Variants in PLEKHG1 observed in about 807,000 individuals in gnomAD.
PLEKHG1 encodes the protein pleckstrin homology domain-containing family G member 1.
In PLEKHG1, 44 loss-of-function variants were observed where a neutral mutation model predicts 100.8. The observed-to-expected ratio is 0.44, with a 90% CI of 0.34 to 0.56. PLEKHG1 has a LOEUF of 0.56. PLEKHG1 is among the 20% of genes least tolerant of loss of function. The pLI is 0.01. For missense variants in PLEKHG1, 1,545 were observed against 1,720.9 expected (o/e 0.90, Z 1.81); for synonymous variants, 640 against 662.5 (o/e 0.97, Z 0.52).
At chr6:150,832,634 A>G (rs1316869062) in intron 15 of PLEKHG1, among the ~76,000 whole-genome samples, 2 of 151,886 alleles carry the variant, frequency 1.3e-5, no homozygotes, top group African/African-American at 2.4e-5. Flanking sequence ...CAGGATCTCA[A>G]CAAAAATGCC....
intron 3 of PLEKHG1, among the ~76,000 whole-genome samples, chr6:150,682,266 G>C (rs1451957501): frequency 6.6e-6 from 1 of 152,124 alleles, no homozygotes; most frequent in African/African-American, 2.4e-5. Flanking sequence ...GTGCACTAAA[G>C]CTGCTTACCA....
chr6:150,794,094 CAG>C (rs772759433), intron 4 of PLEKHG1, among the ~76,000 whole-genome samples: 2 of 151,694 alleles, frequency 1.3e-5, no homozygotes, highest in Non-Finnish European at 2.9e-5. Flanking sequence ...AAAAATAAAA[CAG>C]AAACTCTAGA....
chr6:150,621,509 G>C (rs935749131), intron 1 of PLEKHG1, among the ~76,000 whole-genome samples: 4 of 152,018 alleles, frequency 2.6e-5, no homozygotes, highest in African/African-American at 7.3e-5. Flanking sequence ...CGAGTAGCTG[G>C]AATTACAGGC....
At chr6:150,621,728 T>G (rs58842154) in intron 1 of PLEKHG1, among the ~76,000 whole-genome samples, 3,126 of 152,306 alleles carry the variant, frequency 0.021, 92 homozygotes, top group African/African-American at 0.071. Context: ...TGGGAAATAC[T>G]AAATGAGTGT....
At chr6:150,823,018 G>A (rs1457446027) in intron 13 of PLEKHG1, among the ~76,000 whole-genome samples, 1 of 152,166 alleles carries the variant, frequency 6.6e-6, no homozygotes, top group East Asian at 1.9e-4. Context: ...AACAGTTATG[G>A]TGGGATGGGA....
chr6:150,712,467 A>G lies in PLEKHG1; in HGVS notation c.-98-21117A>G, dbSNP rs186469924. 2.1e-4 allele frequency among the ~76,000 whole-genome samples: 32 copies of G among 152,350 alleles called. No individual in the cohort carries two copies. The East Asian group carries it at 5.8e-3, about 28-fold the overall frequency. ...ATTCATTAAAGAAAATGTAGAGATC[A>G]AACCACCAGTCTTCATATTTTAGCT... On this transcript the variant is annotated intron_variant, in intron 3 of 3. Transcript: ENST00000367326.
rs71554482 is a variant in PLEKHG1, at chr6:150,779,344, GT to G, written c.513-7027del. On this transcript the variant is annotated intron_variant, in intron 3 of 15. Transcript: ENST00000358517. ...ACAGGGGGTTAAATATTGTCAAGAA[GT>G]TTTTTTTTTTTTTTTTTTGAGACAG... Among the ~76,000 whole-genome samples the G allele has an allele frequency of 2.9e-3, 304 of 104,522 alleles. 3 individuals carry two copies. The highest frequency in any genetic ancestry group is 0.011 in the Middle Eastern group (2 of 186). The allele number at this position is 104,522 out of a possible 152,430, so 68.6% of individuals were successfully genotyped here.
chr6:150,819,154 C>T (rs916565245), intron 11 of PLEKHG1, among the ~76,000 whole-genome samples: 3 of 149,618 alleles, frequency 2.0e-5, no homozygotes, highest in African/African-American at 4.9e-5. Flanking sequence ...TGGTGGCTCA[C>T]GCCTGTCATC....
intron 4 of PLEKHG1, 112 bp from the exon 6 acceptor site, chr6:150,795,744 T>C: frequency 4.5e-6 from 2 of 448,298 alleles, no homozygotes; most frequent in Non-Finnish European, 7.9e-6. Context: ...AAAAAACATA[T>C]ATATATATAT....
intron 15 of PLEKHG1, among the ~76,000 whole-genome samples, chr6:150,836,726 G>A (rs1777239022): frequency 1.3e-5 from 2 of 151,942 alleles, no homozygotes; most frequent in African/African-American, 2.4e-5. Flanking sequence ...AGGAGGCTGA[G>A]GCAAGAGGAT....
In PLEKHG1 at chr6:150,831,581, C is replaced by T. The variant is rs765837168; in HGVS notation, c.2470C>T (p.His824Tyr). ...TCCCAGTGGTAACTTGTCTATGCCTCATAAGCCTGTATCTGATAAACTGTC... is the reference window on the plus strand; with the variant it reads ...TCCCAGTGGTAACTTGTCTATGCCTTATAAGCCTGTATCTGATAAACTGTC... The change falls in exon 15 of 16, where the codon CAT (histidine) becomes TAT (tyrosine). Residue 824 changes from histidine (H) to tyrosine (Y), a missense_variant. Transcript: ENST00000358517. The surrounding 1 kb of genome is among the most constrained non-coding windows in gnomAD (Gnocchi z 4.1). 3 of 1,614,046 alleles carry T rather than the reference C, an allele frequency of 1.9e-6. No individual in the cohort carries two copies. The South Asian group carries it at 3.3e-5, about 18-fold the overall frequency.
At chr6:150,777,489 C>T (rs1191546179) in intron 3 of PLEKHG1, among the ~76,000 whole-genome samples, 128 of 132,994 alleles carry the variant, frequency 9.6e-4, no homozygotes, top group Admixed American at 1.8e-3. Flanking sequence ...TGCACATGTG[C>T]AGTTGCACAT....
chr6:150,793,274 C>T (rs1038255740), intron 4 of PLEKHG1, among the ~76,000 whole-genome samples: 12 of 151,948 alleles, frequency 7.9e-5, no homozygotes, highest in South Asian at 2.1e-4. Context: ...GGTGGTGGCA[C>T]GCCTGTGGTC....
At chr6:150,675,808 TG>T (rs770703796) in intron 3 of PLEKHG1, among the ~76,000 whole-genome samples, 14 of 152,216 alleles carry the variant, frequency 9.2e-5, no homozygotes, top group Admixed American at 3.3e-4. Context: ...CTTTTCTTAG[TG>T]GGGGGAAAAG....
intron 10 of PLEKHG1, among the ~76,000 whole-genome samples, chr6:150,814,118 G>A (rs560224088): frequency 1.3e-5 from 2 of 152,320 alleles, no homozygotes; most frequent in Non-Finnish European, 2.9e-5. Flanking sequence ...TCGTCAGGGT[G>A]TTATGAGATG....
chr6:150,628,527 A>AACACACACACAC (rs565121317), intron 1 of PLEKHG1, among the ~76,000 whole-genome samples: 2,758 of 94,696 alleles, frequency 0.029, 88 homozygotes, highest in Admixed American at 0.031. Context: ...TAGATAGGAA[A>AACACACACACAC]ACACACACAC....
chr6:150,644,936 T>G (rs1455765986), intron 2 of PLEKHG1, among the ~76,000 whole-genome samples: 6 of 152,214 alleles, frequency 3.9e-5, no homozygotes, highest in Non-Finnish European at 8.8e-5. Flanking sequence ...TTCTCATATG[T>G]AGATCTAGTG....
At chr6:150,800,911 G>C (rs1224706062) in intron 6 of PLEKHG1, 42 bp downstream of exon 7, 2 of 1,553,730 alleles carry the variant, frequency 1.3e-6, no homozygotes, top group Non-Finnish European at 8.9e-7. Flanking sequence ...GGGGATGGGA[G>C]TTTTGTGTGT....
exon 16 of PLEKHG1, chr6:150,840,879 T>A (rs750865354): frequency 1.9e-6 from 3 of 1,610,614 alleles, no homozygotes; most frequent in Non-Finnish European, 2.5e-6. Flanking sequence ...GTGTCTCAGT[T>A]CAAGCAGCTT....
Sources: gnomAD v4.1 joint callset for allele counts (sites outside exome capture counted in the v4.1 genomes callset) on GRCh38, gnomAD v4.1.1 for gene constraint, Gnocchi (gnomAD v3.1) non-coding constraint, MANE v1.5 for transcripts, NCBI Gene and HGNC (gene_info 2026-07-23, HGNC 2026-07-21) for gene names.